Variants in MAK observed in about 807,000 individuals in gnomAD.
The protein encoded by MAK is male germ cell associated kinase.
A neutral mutation model predicts 82.6 loss-of-function variants in MAK; 65 were observed. That is an observed-to-expected ratio of 0.79 (90% CI 0.64 to 0.97). The LOEUF (loss-of-function observed/expected upper bound fraction) is 0.97. MAK is among the 50% of genes least tolerant of loss of function. The pLI is 0.00. For synonymous variants in MAK, 250 were observed against 274.2 expected, an observed-to-expected ratio of 0.91 and a Z score of 0.87; for missense variants, 703 against 780.2, an observed-to-expected ratio of 0.90 and a Z score of 1.18.
chr6:10,766,106 T>C (rs140762545), intron 14 of MAK, among the ~76,000 whole-genome samples: 1 of 152,308 alleles, frequency 6.6e-6, no homozygotes, highest in African/African-American at 2.4e-5. Context: ...ATGTCTGCTT[T>C]TTCCATCTGG....
chr6:10,775,409 G>C lies in MAK; in HGVS notation c.1516C>G (p.Pro506Ala). 1 of 1,613,850 alleles carries C rather than the reference G, an allele frequency of 6.2e-7. No individual in the cohort carries two copies. Among genetic ancestry groups the C allele is most frequent in the Non-Finnish European group, 8.5e-7 (1 of 1,179,834 alleles). ...SLIASGKEIN[P>A]HTWSNQLFPK... ...AATAACTGGTTGCTCCAAGTGTGGG[G>C]GTTTATTTCCTTTCCACTGGCTATC... Residue 506 changes from proline (P) to alanine (A), a missense_variant, in exon 12 of 15, where the codon CCC becomes GCC. Transcript: ENST00000354489.
chr6:10,764,699 T>C (rs1401930704), intron 14 of MAK, 93 bp from the exon 15 acceptor site: 10 of 1,214,996 alleles, frequency 8.2e-6, no homozygotes, highest in Non-Finnish European at 1.2e-5. Flanking sequence ...ATGGGGAAAA[T>C]CTGAATTTAT....
chr6:10,817,952 T>C lies in MAK; in HGVS notation c.176A>G (p.His59Arg), dbSNP rs1157354118. 1 of 1,441,046 alleles carries C rather than the reference T, an allele frequency of 6.9e-7. No homozygotes were observed. Among genetic ancestry groups the C allele is most frequent in the East Asian group, 2.4e-5 (1 of 41,740 alleles). The allele number at this position is 1,441,046 out of a possible 1,614,324, so 89.3% of individuals were successfully genotyped here. A position where few individuals can be genotyped will look rare whatever the true frequency, so the allele number is the denominator to read the frequency against. Residue 59 changes from histidine to arginine, a missense_variant, in exon 4 of 15, where the codon CAT (histidine) becomes CGT (arginine). Physicochemically the swap from His to Arg is conservative, Grantham distance 29. Transcript: ENST00000354489. ...REVKSLKKLNHANVIKLKEVI... is the reference protein window; with the variant it reads ...REVKSLKKLNRANVIKLKEVI... The stretch of plus-strand genomic sequence containing the variant: ...TTCTTTCAATTTAATAACATTGGCA[T>C]GATTAAGTTTCTTCAGAGACTGAAA...
chr6:10,775,260 A>G, intron 12 of MAK, 68 bp downstream of exon 12: 1 of 1,565,076 alleles, frequency 6.4e-7, no homozygotes, highest in Non-Finnish European at 8.8e-7. Flanking sequence ...AGAGCACTGC[A>G]ATATATTTAA....
chr6:10,801,328 A>T (rs900254343), intron 8 of MAK, among the ~76,000 whole-genome samples: 1 of 152,240 alleles, frequency 6.6e-6, no homozygotes, highest in Non-Finnish European at 1.5e-5. Context: ...CCTTGCAGAC[A>T]AAAACACTGG....
At chr6:10,765,754 AG>A (rs1346542184) in intron 14 of MAK, among the ~76,000 whole-genome samples, 9 of 152,080 alleles carry the variant, frequency 5.9e-5, no homozygotes, top group African/African-American at 1.9e-4. Flanking sequence ...CCAAAGTGCT[AG>A]GATTACAGGT....
At chr6:10,775,230 G>A in intron 12 of MAK, 98 bp downstream of exon 12, 3 of 1,396,652 alleles carry the variant, frequency 2.1e-6, no homozygotes, top group Non-Finnish European at 3.0e-6. Flanking sequence ...TCTCCCAAGT[G>A]CACATGTATC....
chr6:10,798,023 A>G lies in MAK; in HGVS notation c.832-1714T>C, dbSNP rs9467579. 9,244 of 978,298 alleles carry G rather than the reference A, an allele frequency of 9.4e-3. 465 individuals are homozygous for G. The African/African-American group carries it at 0.13, about 13-fold the overall frequency. The allele number at this position is 978,298 out of a possible 1,614,324, so 60.6% of individuals were successfully genotyped here. Reference sequence around the variant, plus strand: ...AGTCACATTAAGTAATTAGTATGTCAATATTCCTAAATTAATGATGCATAT... The same window carrying G: ...AGTCACATTAAGTAATTAGTATGTCGATATTCCTAAATTAATGATGCATAT... On this transcript the variant is annotated intron_variant, in intron 8 of 14. Coordinates refer to ENST00000354489, the MANE Select transcript of MAK (RefSeq NM_001242957.3).
rs1429572372 is a variant in MAK at position 10,764,475 on chromosome 6, C to T, written c.1924G>A (p.Ala642Thr). 1 of 1,613,968 alleles carries T rather than the reference C, an allele frequency of 6.2e-7. No homozygotes were observed. Among genetic ancestry groups the T allele is most frequent in the East Asian group, 2.2e-5 (1 of 44,866 alleles). The change falls in exon 15 of 15, where the codon GCC becomes ACC. Residue 642 changes from alanine (A) to threonine (T), a missense_variant. Ala to Thr is a moderately conservative substitution (Grantham distance 58). Coordinates refer to ENST00000354489, the MANE Select transcript of MAK (RefSeq NM_001242957.3). ...PSVHGRTDWV[A>T]KYGGHR Reference sequence around the variant, plus strand: ...TCCTACCGGTGGCCTCCATACTTGGCCACCCAGTCTGTCCTCCCATGCACT... The same window carrying T: ...TCCTACCGGTGGCCTCCATACTTGGTCACCCAGTCTGTCCTCCCATGCACT...
intron 14 of MAK, among the ~76,000 whole-genome samples, chr6:10,767,059 G>A (rs1031357184): frequency 5.4e-5 from 8 of 148,084 alleles, no homozygotes; most frequent in African/African-American, 2.1e-4. Context: ...AAGTGCTTTT[G>A]TGCCTTAGTG....
Position 10,794,338 on chromosome 6 carries a change from G to C in MAK, c.1143+1660C>G, listed in dbSNP as rs557853578. 4.6e-5 allele frequency among the ~76,000 whole-genome samples: 7 copies of C among 152,156 alleles called. No individual in the cohort carries two copies. The South Asian group carries it at 1.4e-3, about 32-fold the overall frequency. On this transcript the variant is annotated intron_variant, in intron 9 of 14. Coordinates refer to ENST00000354489, the MANE Select transcript of MAK (RefSeq NM_001242957.3). Reference sequence around the variant, plus strand: ...ATCTACCATGTGGCAGGCACTGGTCGGGGTGCTGAGGCTGTACTGATAAAC... The same window carrying C: ...ATCTACCATGTGGCAGGCACTGGTCCGGGTGCTGAGGCTGTACTGATAAAC...
At chr6:10,798,122 T>TG (rs1217563482) in intron 8 of MAK, 4 of 231,546 alleles carry the variant, frequency 1.7e-5, no homozygotes, top group African/African-American at 9.8e-5. Flanking sequence ...CCCTTTTTTT[T>TG]TTTTTTTTTT....
intron 6 of MAK, among the ~76,000 whole-genome samples, chr6:10,804,124 T>A (rs1776227201): frequency 6.6e-6 from 1 of 152,076 alleles, no homozygotes; most frequent in South Asian, 2.1e-4. Flanking sequence ...GAAATGTCCA[T>A]CAAGCCTAAG....
intron 11 of MAK, among the ~76,000 whole-genome samples, chr6:10,777,198 G>A (rs556004825): frequency 2.0e-5 from 3 of 152,196 alleles, no homozygotes; most frequent in East Asian, 1.9e-4. Context: ...CCTGAGGTCA[G>A]GAGTTCGAGA....
chr6:10,825,245 C>T (rs1326743777), intron 2 of MAK, among the ~76,000 whole-genome samples: 2 of 152,218 alleles, frequency 1.3e-5, no homozygotes, highest in African/African-American at 4.8e-5. Flanking sequence ...TCATAGAAAA[C>T]ATCTGAATTT....
At chr6:10,826,255 T>C (rs1481061177) in intron 2 of MAK, among the ~76,000 whole-genome samples, 1 of 148,566 alleles carries the variant, frequency 6.7e-6, no homozygotes, top group African/African-American at 2.5e-5. Context: ...CCCCCCCTTT[T>C]AAAAAAATAA....
intron 14 of MAK, 118 bp from the exon 15 acceptor site, chr6:10,764,724 C>G: frequency 1.0e-6 from 1 of 1,002,126 alleles, no homozygotes; most frequent in Non-Finnish European, 1.6e-6. Context: ...AAAAGATTAA[C>G]TCAGTACTCT....
Position 10,800,105 on chromosome 6 carries a change from A to C in MAK, c.831+1787T>G, listed in dbSNP as rs1296900903. On this transcript the variant is annotated intron_variant, in intron 8 of 14. Coordinates refer to ENST00000354489, the MANE Select transcript of MAK (RefSeq NM_001242957.3). The surrounding 1 kb of genome is among the most constrained non-coding windows in gnomAD (Gnocchi z 4.2). ...CAAAAAAACCCCTCTGGTCTCTACAAAAATACAAAAATAAGCCAAGCGTGG... is the reference window on the plus strand; with the variant it reads ...CAAAAAAACCCCTCTGGTCTCTACACAAATACAAAAATAAGCCAAGCGTGG... Among the ~76,000 whole-genome samples the C allele has an allele frequency of 6.6e-6, 1 of 151,966 alleles. No individual in the cohort carries two copies. The highest frequency in any genetic ancestry group is 2.4e-5 in the African/African-American group (1 of 41,372).
intron 12 of MAK, 131 bp downstream of exon 12, chr6:10,775,197 G>T: frequency 2.0e-6 from 2 of 1,023,938 alleles, no homozygotes; most frequent in South Asian, 1.3e-5. Flanking sequence ...CATAGGCAGA[G>T]TGTAGTGGAA....
Sources: allele counts gnomAD v4.1 joint callset (sites outside exome capture counted in the v4.1 genomes callset), GRCh38; gene constraint gnomAD v4.1.1; non-coding constraint Gnocchi (gnomAD v3.1); transcripts MANE v1.5; gene names NCBI Gene and HGNC (gene_info 2026-07-23, HGNC 2026-07-21).